Variants in CPSF2 observed in about 807,000 individuals in gnomAD.
The protein encoded by CPSF2 is cleavage and polyadenylation specificity factor subunit 2.
In CPSF2, 51 loss-of-function variants were observed where a neutral mutation model predicts 84.2. The ratio of observed to expected loss-of-function variants is 0.61; its 90% CI spans 0.48 to 0.77. The LOEUF (loss-of-function observed/expected upper bound fraction) is 0.77, where lower values mean the gene tolerates loss of function less well. Ranked by LOEUF, CPSF2 falls within the 30% of genes least tolerant of loss-of-function variation. The pLI is 0.00. For missense variants in CPSF2, 641 were observed against 929.4 expected (o/e 0.69, Z 4.03); for synonymous variants, 286 against 311.9 (o/e 0.92, Z 0.87).
chr14:92,144,733 A>C (rs2069121609), intron 9 of CPSF2, among the ~76,000 whole-genome samples: 5 of 152,218 alleles, frequency 3.3e-5, no homozygotes, highest in African/African-American at 1.2e-4. Context: ...ATAACTTCAC[A>C]TCTCAAAAGG....
chr14:92,161,715 C>A lies in CPSF2; in HGVS notation c.2320C>A (p.Leu774Ile), dbSNP rs2069374960. 1 of 1,589,168 alleles carries A rather than the reference C, an allele frequency of 6.3e-7. No homozygotes were observed. Among genetic ancestry groups the A allele is most frequent in the Non-Finnish European group, 8.6e-7 (1 of 1,169,488 alleles). Residue 774 changes from leucine (L) to isoleucine (I), a missense_variant, in exon 16 of 16, where the codon CTT becomes ATT. Around this residue, in one of 2 missense-constraint regions of CPSF2, gnomAD observed 430 missense variants for 553.6 expected, o/e 0.78. Coordinates refer to ENST00000298875, the MANE Select transcript of CPSF2 (RefSeq NM_017437.3). ...LCQDFYRIRD[L>I]LYEQYAIV ...TCAAGATTTTTATAGGATAAGAGAC[C>A]TTTTATATGAACAATATGCCATTGT...
intron 2 of CPSF2, among the ~76,000 whole-genome samples, chr14:92,129,555 C>T (rs566002853): frequency 5.3e-5 from 8 of 152,156 alleles, no homozygotes; most frequent in Non-Finnish European, 8.8e-5. Context: ...GTGGCCTTCT[C>T]TCCTACTTGC....
At chr14:92,153,939 A>T (rs2069255441) in intron 9 of CPSF2, 1 of 145,058 alleles carries the variant, frequency 6.9e-6, no homozygotes, top group African/African-American at 2.6e-5. Flanking sequence ...AACTCAAGTG[A>T]TTTTCCTGCC....
chr14:92,168,753 T>C lies in CPSF2; in HGVS notation c.*7009T>C, dbSNP rs1434718890. The C allele has an allele frequency of 6.6e-6, 1 of 151,996 alleles. No homozygotes were observed. The highest frequency in any genetic ancestry group is 1.5e-5 in the Non-Finnish European group (1 of 68,038). The allele number at this position is 151,996 out of a possible 1,614,324, so 9.4% of individuals were successfully genotyped here. A position where few individuals can be genotyped will look rare whatever the true frequency, so the allele number is the denominator to read the frequency against. On this transcript the variant is annotated 3_prime_UTR_variant, in exon 16 of 16. Transcript: ENST00000298875. ...CCTGTCTCTACAAAAAATAGAAAAA[T>C]TAGCTGGGCATGGTGGCTGTAGTCC...
At chr14:92,142,977 T>C in intron 8 of CPSF2, 27 bp from the exon 9 acceptor site, 1 of 1,551,510 alleles carries the variant, frequency 6.4e-7, no homozygotes, top group Non-Finnish European at 8.8e-7. Flanking sequence ...GTATTTCTAA[T>C]TCTTGTCATC....
chr14:92,129,556 T>G (rs988931674), intron 2 of CPSF2, among the ~76,000 whole-genome samples: 8 of 152,230 alleles, frequency 5.3e-5, no homozygotes, highest in African/African-American at 1.9e-4. Context: ...TGGCCTTCTC[T>G]CCTACTTGCA....
intron 11 of CPSF2, 71 bp downstream of exon 11, chr14:92,155,394 T>C (rs1424668741): frequency 7.8e-7 from 1 of 1,278,212 alleles, no homozygotes; most frequent in African/African-American, 1.5e-5. Context: ...TTCATTTCAG[T>C]GAATTTGATC....
chr14:92,126,708 TG>T (rs1272536660), intron 2 of CPSF2, among the ~76,000 whole-genome samples: 1 of 151,940 alleles, frequency 6.6e-6, no homozygotes, highest in Admixed American at 6.6e-5. Context: ...GAGGCTGAGG[TG>T]GGAGGATCAC....
rs966407324 is a variant in CPSF2 at position 92,166,635 on chromosome 14, AGT to A, written c.*4892_*4893del. ...CCAAAGTGCTGGGATTACAGGCATG[AGT>A]CACCATTCCTGGCATTAATTTTTGT... is the stretch of plus-strand genomic sequence containing the variant. On this transcript the variant is annotated 3_prime_UTR_variant, in exon 16 of 16. Transcript: ENST00000298875. 30 of 152,300 alleles carry A rather than the reference AGT, an allele frequency of 2.0e-4. No homozygotes were observed. The highest frequency in any genetic ancestry group is 7.0e-4 in the African/African-American group (29 of 41,566). 9.4% of individuals were successfully genotyped at this position (152,300 alleles called of 1,614,324 possible).
chr14:92,126,409 G>A (rs2068845877), intron 2 of CPSF2, among the ~76,000 whole-genome samples: 1 of 152,184 alleles, frequency 6.6e-6, no homozygotes, highest in Non-Finnish European at 1.5e-5. Context: ...TAATATAATT[G>A]TGGTACAGTA....
chr14:92,122,857 T>C (rs578048839), intron 1 of CPSF2, among the ~76,000 whole-genome samples: 27 of 151,088 alleles, frequency 1.8e-4, no homozygotes, highest in South Asian at 8.3e-4. Context: ...TTCTTTCTTT[T>C]TTTTTTTTTT....
intron 3 of CPSF2, among the ~76,000 whole-genome samples, chr14:92,133,627 T>TC (rs1282010130): frequency 2.0e-5 from 3 of 151,644 alleles, no homozygotes; most frequent in African/African-American, 7.3e-5. Flanking sequence ...CCTGGCTTTT[T>TC]TTTTTTTTTG....
rs146091358 is a variant in CPSF2, at chr14:92,142,135, T to C, written c.662-29T>C. 107 of 1,535,116 alleles carry C rather than the reference T, an allele frequency of 7.0e-5. 2 individuals carry two copies. The East Asian group carries it at 2.3e-3, about 33-fold the overall frequency. On this transcript the variant is annotated intron_variant, in intron 7 of 15. Transcript: ENST00000298875. ...TTTGTAGCATAGTATTGTTACGTTC[T>C]ATGGGGATTTTACATTCTTGTTTTC...
At chr14:92,122,791 C>T (rs1596119546) in intron 1 of CPSF2, among the ~76,000 whole-genome samples, 1 of 152,098 alleles carries the variant, frequency 6.6e-6, no homozygotes, top group Non-Finnish European at 1.5e-5. Flanking sequence ...CCTGAGCTAT[C>T]ATTTATACCC....
In CPSF2 at chr14:92,169,195, T is replaced by C. The variant is rs1157785124; in HGVS notation, c.*7451T>C. The C allele has an allele frequency of 2.0e-5, 3 of 152,240 alleles. No homozygotes were observed. Among genetic ancestry groups the C allele is most frequent in the Non-Finnish European group, 4.4e-5 (3 of 68,048 alleles). 9.4% of individuals were successfully genotyped at this position (152,240 alleles called of 1,614,324 possible). On this transcript the variant is annotated 3_prime_UTR_variant, in exon 16 of 16. Coordinates refer to ENST00000298875, the MANE Select transcript of CPSF2 (RefSeq NM_017437.3). ...CCACTGCCCTTGTTTTAAATATTTT[T>C]GGAACTTCATTTCTCTTCAGGTCTA... is the stretch of plus-strand genomic sequence containing the variant.
rs117448699 is a variant in CPSF2 at position 92,169,972 on chromosome 14, T to A, written c.*8228T>A. On this transcript the variant is annotated 3_prime_UTR_variant, in exon 16 of 16. Transcript: ENST00000298875. Reference sequence around the variant, plus strand: ...GGGCAACATAGTGAGAACTCATCTCTATTAAAAATCAGAAAAATTGGCCAG... The same window carrying A: ...GGGCAACATAGTGAGAACTCATCTCAATTAAAAATCAGAAAAATTGGCCAG... 4,771 of 152,180 alleles carry A rather than the reference T, an allele frequency of 0.031. 125 individuals carry two copies. The highest frequency in any genetic ancestry group is 0.049 in the Non-Finnish European group (3,358 of 68,024). 9.4% of individuals were successfully genotyped at this position (152,180 alleles called of 1,614,324 possible).
At chr14:92,155,091 T>C in intron 10 of CPSF2, 32 bp from the exon 11 acceptor site, 1 of 1,395,342 alleles carries the variant, frequency 7.2e-7, no homozygotes, top group Non-Finnish European at 1.0e-6. Flanking sequence ...TTTGAAACTT[T>C]ATGACCTTGA....
intron 2 of CPSF2, among the ~76,000 whole-genome samples, chr14:92,127,004 G>A (rs573888302): frequency 6.6e-6 from 1 of 152,212 alleles, no homozygotes; most frequent in East Asian, 1.9e-4. Flanking sequence ...AGGACAGTGA[G>A]CTTATTTAAT....
Position 92,122,085 on chromosome 14 carries a change from G to A in CPSF2, c.-137G>A, listed in dbSNP as rs1389303543. The A allele has an allele frequency of 2.1e-6, 1 of 472,110 alleles. No homozygotes were observed. The highest frequency in any genetic ancestry group is 3.9e-6 in the Non-Finnish European group (1 of 258,112). 29.2% of individuals were successfully genotyped at this position (472,110 alleles called of 1,614,324 possible). ...ACGTCTTGAACCTGGATTCGCCTAGGGGTTGGGAAGGGCTGTGGACGGCGT... is the reference window on the plus strand; with the variant it reads ...ACGTCTTGAACCTGGATTCGCCTAGAGGTTGGGAAGGGCTGTGGACGGCGT... On this transcript the variant is annotated 5_prime_UTR_variant, in exon 1 of 16. Coordinates refer to ENST00000298875, the MANE Select transcript of CPSF2 (RefSeq NM_017437.3).
Sources: allele counts gnomAD v4.1 joint callset (sites outside exome capture counted in the v4.1 genomes callset), GRCh38; gene constraint gnomAD v4.1.1; regional missense constraint gnomAD v4.1.1; transcripts MANE v1.5; gene names NCBI Gene and HGNC (gene_info 2026-07-23, HGNC 2026-07-21).